Variants in CCDC7 observed in about 807,000 individuals in gnomAD.
CCDC7 encodes coiled-coil domain-containing protein 7.
In CCDC7, 183 loss-of-function variants were observed where a neutral mutation model predicts 196.9. The ratio of observed to expected loss-of-function variants is 0.93; its 90% CI spans 0.82 to 1.05. The LOEUF (loss-of-function observed/expected upper bound fraction) is 1.05, where lower values mean the gene tolerates loss of function less well. CCDC7 is among the 50% of genes least tolerant of loss of function. The pLI is 0.00. For synonymous variants in CCDC7, 525 were observed against 484.6 expected (o/e 1.08, Z -1.10); for missense variants, 1,540 against 1,482.2 (o/e 1.04, Z -0.64).
At chr10:32,828,537 GAAGAAGAAGAAGAAGAAGAAGA>G (rs1308089826) in intron 32 of CCDC7, among the ~76,000 whole-genome samples, 16 of 150,256 alleles carry the variant, frequency 1.1e-4, no homozygotes, top group Non-Finnish European at 1.5e-4. Context: ...AGAAGAAGAA[GAAGAAGAAGAAGAAGAAGAAGA>G]AAGAAGAAGA....
At chr10:32,539,668 T>C (rs1285789052) in intron 11 of CCDC7, among the ~76,000 whole-genome samples, 1 of 152,180 alleles carries the variant, frequency 6.6e-6, no homozygotes, top group African/African-American at 2.4e-5. Context: ...AACTTCCCTC[T>C]TAACACTGCC....
chr10:32,612,534 A>G (rs1051626194), intron 18 of CCDC7, among the ~76,000 whole-genome samples: 1 of 152,200 alleles, frequency 6.6e-6, no homozygotes, highest in Non-Finnish European at 1.5e-5. Context: ...TTGCCCATTC[A>G]GTATGATATG....
At chr10:32,461,752 C>CAT (rs1464429848) in intron 3 of CCDC7, among the ~76,000 whole-genome samples, 20 of 66,292 alleles carry the variant, frequency 3.0e-4, no homozygotes, top group African/African-American at 1.3e-3. Flanking sequence ...TATATATATA[C>CAT]ATATATATAT....
chr10:32,494,327 T>G (rs997535502), intron 9 of CCDC7, among the ~76,000 whole-genome samples: 1 of 152,150 alleles, frequency 6.6e-6, no homozygotes, highest in Non-Finnish European at 1.5e-5. Flanking sequence ...AAAGATCAGT[T>G]GATCATATAT....
intron 24 of CCDC7, among the ~76,000 whole-genome samples, chr10:32,696,762 G>A (rs2077782197): frequency 6.6e-6 from 1 of 152,158 alleles, no homozygotes. Context: ...TCATTGAGAA[G>A]TGTGTGCCCA....
At chr10:32,850,651 C>A (rs1416995722) in intron 39 of CCDC7, among the ~76,000 whole-genome samples, 2 of 152,154 alleles carry the variant, frequency 1.3e-5, no homozygotes, top group Admixed American at 6.5e-5. Flanking sequence ...AAATTCTTAT[C>A]CAATTTTGGC....
At chr10:32,497,259 G>A in intron 9 of CCDC7, among the ~76,000 whole-genome samples, 1 of 152,034 alleles carries the variant, frequency 6.6e-6, no homozygotes, top group East Asian at 1.9e-4. Context: ...ATTTTTTATT[G>A]CGTCTGTTTG....
intron 41 of CCDC7, among the ~76,000 whole-genome samples, chr10:32,874,706 CATAT>C (rs770548446): frequency 2.0e-5 from 3 of 147,734 alleles, no homozygotes; most frequent in Admixed American, 6.8e-5. Context: ...TATGTATGTG[CATAT>C]ATAAATAAAA....
chr10:32,700,898 T>C (rs558285194), intron 24 of CCDC7, among the ~76,000 whole-genome samples: 5 of 152,220 alleles, frequency 3.3e-5, no homozygotes, highest in Admixed American at 3.3e-4. Context: ...GTTTTGCACA[T>C]TGATTTTGTG....
chr10:32,639,305 A>G (rs542826457), intron 20 of CCDC7, among the ~76,000 whole-genome samples: 140 of 152,034 alleles, frequency 9.2e-4, no homozygotes, highest in African/African-American at 3.1e-3. Flanking sequence ...TTGCTTCTCT[A>G]GTTCTTTTAA....
intron 25 of CCDC7, among the ~76,000 whole-genome samples, chr10:32,718,134 A>T (rs1219905929): frequency 6.6e-6 from 1 of 152,214 alleles, no homozygotes; most frequent in African/African-American, 2.4e-5. Flanking sequence ...AAAATTTTAA[A>T]TAAAATACTG....
chr10:32,724,546 G>A (rs1176860281), intron 25 of CCDC7, among the ~76,000 whole-genome samples: 6 of 152,086 alleles, frequency 3.9e-5, no homozygotes, highest in Admixed American at 3.3e-4. Flanking sequence ...AGTGGCAGAT[G>A]TTTCATTTAA....
At chr10:32,766,314 T>G (rs1258574864) in intron 28 of CCDC7, among the ~76,000 whole-genome samples, 1 of 151,938 alleles carries the variant, frequency 6.6e-6, no homozygotes, top group Non-Finnish European at 1.5e-5. Context: ...TATTCCTCAT[T>G]TGGGCATGCT....
intron 20 of CCDC7, among the ~76,000 whole-genome samples, chr10:32,661,308 A>G (rs971417704): frequency 4.0e-5 from 6 of 151,076 alleles, no homozygotes; most frequent in African/African-American, 1.2e-4. Flanking sequence ...CAATCATTAA[A>G]AAGTCAGGAA....
At chr10:32,738,278 C>T (rs1001098511) in intron 28 of CCDC7, among the ~76,000 whole-genome samples, 14 of 152,096 alleles carry the variant, frequency 9.2e-5, no homozygotes, top group African/African-American at 2.9e-4. Flanking sequence ...ATCACTATAT[C>T]GCTTCATGGA....
chr10:32,631,109 A>G (rs2064799618), intron 18 of CCDC7, among the ~76,000 whole-genome samples: 1 of 152,214 alleles, frequency 6.6e-6, no homozygotes, highest in Non-Finnish European at 1.5e-5. Context: ...TGAGTGAATG[A>G]TGAAACCTCT....
chr10:32,641,795 G>T (rs958940143), intron 20 of CCDC7, among the ~76,000 whole-genome samples: 6 of 152,058 alleles, frequency 3.9e-5, no homozygotes, highest in African/African-American at 1.4e-4. Flanking sequence ...ATCTACCTTT[G>T]GTCTTTGATG....
At chr10:32,871,093 A>G (rs1212786669) in intron 41 of CCDC7, among the ~76,000 whole-genome samples, 1 of 152,192 alleles carries the variant, frequency 6.6e-6, no homozygotes, top group Admixed American at 6.6e-5. Flanking sequence ...AGGCTTTGGT[A>G]TCAGGATGAT....
chr10:32,649,878 C>T (rs1014636302), intron 20 of CCDC7, among the ~76,000 whole-genome samples: 4 of 152,122 alleles, frequency 2.6e-5, no homozygotes, highest in African/African-American at 9.7e-5. Context: ...TTTGGTTCTT[C>T]TTAAAAAGGG....
Sources: gnomAD v4.1 joint callset for allele counts (sites outside exome capture counted in the v4.1 genomes callset) on GRCh38, gnomAD v4.1.1 for gene constraint, MANE v1.5 for transcripts, NCBI Gene and HGNC (gene_info 2026-07-23, HGNC 2026-07-21) for gene names.